CLCN1: variants seen among roughly 807,000 people sequenced by gnomAD.
CLCN1 encodes chloride voltage-gated channel 1.
Under a neutral mutation model 114.5 loss-of-function variants are expected in CLCN1, and 100 were observed. That is an observed-to-expected ratio of 0.87 (90% CI 0.74 to 1.03). The LOEUF is 1.03. Among genes scored for constraint, CLCN1 ranks in the 50% least tolerant of loss-of-function variants. CLCN1 has a pLI of 0.00. For synonymous variants in CLCN1, 485 were observed against 487.1 expected (o/e 1.00, Z 0.06); for missense variants, 1,188 against 1,250.0 (o/e 0.95, Z 0.75).
intron 14 of CLCN1, 136 bp from the exon 15 acceptor site, chr7:143,341,792 CT>C (rs1803083412): frequency 2.8e-6 from 2 of 726,082 alleles, no homozygotes; most frequent in Non-Finnish European, 5.0e-6. Context: ...ATTCCCTACT[CT>C]TGACAAGTCA....
Position 143,330,838 on chromosome 7 carries a change from T to C in CLCN1, c.920T>C (p.Phe307Ser), listed in dbSNP as rs80356701. The stretch of plus-strand genomic sequence containing the variant: ...GTTCGGAACTACTGGAGAGGATTCT[T>C]TGCAGCCACGTTCAGCGCCTTTGTG... ...FAVRNYWRGFFAATFSAFVFR... is the reference protein window; with the variant it reads ...FAVRNYWRGFSAATFSAFVFR... Residue 307 changes from phenylalanine to serine, a missense_variant, in exon 8 of 23, where the codon TTT becomes TCT. Transcript: ENST00000343257. The C allele has an allele frequency of 9.9e-5, 160 of 1,614,064 alleles. No individual in the cohort carries two copies. The highest frequency in any genetic ancestry group is 1.1e-4 in the Non-Finnish European group (133 of 1,180,050).
Position 143,351,810 on chromosome 7 carries a change from C to G in CLCN1, c.2812C>G (p.Pro938Ala). The G allele has an allele frequency of 6.2e-7, 1 of 1,614,102 alleles. No homozygotes were observed. The highest frequency in any genetic ancestry group is 8.5e-7 in the Non-Finnish European group (1 of 1,179,982). Residue 938 changes from proline to alanine, a missense_variant, in exon 23 of 23, where the codon CCC (proline) becomes GCC (alanine). Coordinates refer to ENST00000343257, the MANE Select transcript of CLCN1 (RefSeq NM_000083.3). Reference sequence around the variant, plus strand: ...CCCTGTGCCATCTCCTTCCCCAGAGCCCCCTCTCTCCCTGGCCCCAGGCAA... The same window carrying G: ...CCCTGTGCCATCTCCTTCCCCAGAGGCCCCTCTCTCCCTGGCCCCAGGCAA... ...ETPVPSPSPE[P>A]PLSLAPGKVE...
intron 14 of CLCN1, among the ~76,000 whole-genome samples, chr7:143,340,907 T>C (rs1054354866): frequency 4.0e-4 from 61 of 152,120 alleles, no homozygotes; most frequent in Admixed American, 2.6e-4. Flanking sequence ...CATATTTAAA[T>C]AAGAAATATA....
rs554038768 is a variant in CLCN1 at position 143,331,193 on chromosome 7, C to T, written c.980-39C>T. ...CCTCTGTTTCCCTGTTGGGTTTCTA[C>T]GAAGCTCCCATCGTAATACTGGCCT... On this transcript the variant is annotated intron_variant, in intron 8 of 22. Transcript: ENST00000343257. The T allele has an allele frequency of 1.9e-5, 27 of 1,440,386 alleles. No individual in the cohort carries two copies. The Admixed American group carries it at 2.2e-4, about 12-fold the overall frequency. The allele number at this position is 1,440,386 out of a possible 1,614,324, so 89.2% of individuals were successfully genotyped here.
rs1488238986 is a variant in CLCN1 at position 143,317,341 on chromosome 7, C to A, written c.180+949C>A. On this transcript the variant is annotated intron_variant, in intron 1 of 22. Transcript: ENST00000343257. The stretch of plus-strand genomic sequence containing the variant: ...TTGGCTCACTGCGACCTCCGCCTCC[C>A]GGGTTCAAGCAATTCTCTTTCCTCA... Among the ~76,000 whole-genome samples the A allele has an allele frequency of 2.6e-5, 4 of 151,204 alleles. No homozygotes were observed. In the East Asian group the frequency reaches 7.8e-4, roughly 29 times the overall value.
intron 1 of CLCN1, among the ~76,000 whole-genome samples, chr7:143,318,412 G>A (rs1018818977): frequency 9.9e-5 from 15 of 152,188 alleles, no homozygotes; most frequent in Middle Eastern, 3.4e-3. Flanking sequence ...TAGTAGAGAC[G>A]AGGTTTCTCC....
In CLCN1 at chr7:143,321,445, A is replaced by G. The variant is rs992335710; in HGVS notation, c.514A>G (p.Ile172Val). Residue 172 changes from isoleucine to valine, a missense_variant, in exon 4 of 23, where the codon ATC (isoleucine) becomes GTC (valine). By Grantham distance (29) the Ile-to-Val change is conservative. Transcript: ENST00000343257. This position sits in a 1 kb window ranked among gnomAD's most constrained non-coding sequence, Gnocchi z 4.2. The part of the protein sequence containing the change: ...LVWVTFPLVL[I>V]LFSALFCHLI... ...CTGGGTCACCTTCCCACTAGTCCTC[A>G]TCCTCTTCAGCGCCCTCTTCTGCCA... is the stretch of plus-strand genomic sequence containing the variant. 7 of 1,613,878 alleles carry G rather than the reference A, an allele frequency of 4.3e-6. No homozygotes were observed. Among genetic ancestry groups the G allele is most frequent in the Non-Finnish European group, 5.9e-6 (7 of 1,179,980 alleles).
chr7:143,326,094 G>A (rs28483764), intron 7 of CLCN1, among the ~76,000 whole-genome samples: 26,472 of 151,848 alleles, frequency 0.17, 3,470 homozygotes, highest in African/African-American at 0.37. Context: ...TTGGCTCACT[G>A]CAACCTCTGT....
intron 5 of CLCN1, among the ~76,000 whole-genome samples, chr7:143,322,549 G>T (rs1802469330): frequency 6.6e-6 from 1 of 152,194 alleles, no homozygotes; most frequent in East Asian, 1.9e-4. Flanking sequence ...TTGAGACAGT[G>T]TCTAGCTCGC....
In CLCN1 at chr7:143,332,428, G is replaced by C. The variant is rs199898178; in HGVS notation, c.1176G>C (p.Leu392=). The C allele has an allele frequency of 3.1e-6, 5 of 1,613,796 alleles. No individual in the cohort carries two copies. Among genetic ancestry groups the C allele is most frequent in the African/African-American group, 1.3e-5 (1 of 74,908 alleles). Residue 392 remains leucine (L), a synonymous_variant, in exon 11 of 23, where the codon CTG becomes CTC. Coordinates refer to ENST00000343257, the MANE Select transcript of CLCN1 (RefSeq NM_000083.3). The part of the protein sequence containing the change: ...LSQFLAKHRL[L]YPGIVTFVIA... Reference sequence around the variant, plus strand: ...TCTGTTTCTTTTTCAGCCGCCTGCTGTATCCTGGAATTGTTACCTTTGTCA... The same window carrying C: ...TCTGTTTCTTTTTCAGCCGCCTGCTCTATCCTGGAATTGTTACCTTTGTCA...
At chr7:143,345,998 G>A (rs1239270211) in intron 17 of CLCN1, 142 bp from the exon 18 acceptor site, 19 of 805,564 alleles carry the variant, frequency 2.4e-5, no homozygotes, top group Non-Finnish European at 4.0e-5. Context: ...TGGTATCCTC[G>A]ACAATTCAAA....
At position 143,350,559 on chromosome 7, in the gene CLCN1, C is replaced by T. The variant is rs1170463892; in HGVS notation, c.2509-9C>T. ...GGAACATGCACTGACCTGTGCTCTT[C>T]ATCCTCAGACTCATACCCTGTTTTC... On this transcript the variant is annotated splice_polypyrimidine_tract_variant and intron_variant, in intron 21 of 22. Transcript: ENST00000343257. The surrounding 1 kb of genome is among the most constrained non-coding windows in gnomAD (Gnocchi z 5.1). The T allele has an allele frequency of 6.2e-7, 1 of 1,613,640 alleles. No individual in the cohort carries two copies.
intron 12 of CLCN1, among the ~76,000 whole-genome samples, chr7:143,338,399 T>TGA (rs1205039921): frequency 6.6e-6 from 1 of 150,934 alleles, no homozygotes; most frequent in Non-Finnish European, 1.5e-5. Flanking sequence ...GGTTCTACTG[T>TGA]GAGTTTCACC....
At chr7:143,334,974 A>T (rs1432347097) in intron 12 of CLCN1, among the ~76,000 whole-genome samples, 1 of 152,246 alleles carries the variant, frequency 6.6e-6, no homozygotes. Flanking sequence ...ACCCATCTAC[A>T]GTAACCAAGT....
chr7:143,326,147 G>T (rs879165298), intron 7 of CLCN1, among the ~76,000 whole-genome samples: 2 of 152,096 alleles, frequency 1.3e-5, no homozygotes, highest in Admixed American at 1.3e-4. Flanking sequence ...CTCCCAAGTA[G>T]CTGGGATTAC....
Position 143,346,173 on chromosome 7 carries a change from A to G in CLCN1, c.2206A>G (p.Thr736Ala), listed in dbSNP as rs754964953. Reference sequence around the variant, plus strand: ...TTCCCTTGCTCTCCACCCCTCTACTACTGCCCCTCTGTCCCCAGAAGAGCC... The same window carrying G: ...TTCCCTTGCTCTCCACCCCTCTACTGCTGCCCCTCTGTCCCCAGAAGAGCC... ...PPSLALHPST[T>A]APLSPEEPNG... Residue 736 changes from threonine to alanine, a missense_variant, in exon 18 of 23, where the codon ACT becomes GCT. Transcript: ENST00000343257. 3.1e-6 allele frequency: 5 copies of G among 1,612,846 alleles called. No homozygotes were observed. Among genetic ancestry groups the G allele is most frequent in the South Asian group, 1.1e-5 (1 of 91,022 alleles).
chr7:143,345,637 G>A lies in CLCN1; in HGVS notation c.2047G>A (p.Glu683Lys). ...CCAAGAGATGGCGCGGAAGTTGTCG[G>A]AGCTGCCTTACGACGGGAAGGCGCG... ...AAQEMARKLSELPYDGKARLA... is the reference protein window; with the variant it reads ...AAQEMARKLSKLPYDGKARLA... Residue 683 changes from glutamate (E) to lysine (K), a missense_variant, in exon 17 of 23, where the codon GAG becomes AAG. Physicochemically the swap from Glu to Lys is moderately conservative, Grantham distance 56 (BLOSUM62 1). Coordinates refer to ENST00000343257, the MANE Select transcript of CLCN1 (RefSeq NM_000083.3). 2 of 1,564,242 alleles carry A rather than the reference G, an allele frequency of 1.3e-6. No homozygotes were observed. Among genetic ancestry groups the A allele is most frequent in the East Asian group, 2.4e-5 (1 of 41,918 alleles).
In CLCN1 at chr7:143,332,476, A is replaced by G; in HGVS notation, c.1224A>G (p.Pro408=). ...TCATTGCCTCATTCACCTTCCCACC[A>G]GGAATGGGTCAATTCATGGCTGGAG... is the stretch of plus-strand genomic sequence containing the variant. ...TFVIASFTFP[P]GMGQFMAGEL... Residue 408 remains proline, a synonymous_variant, in exon 11 of 23, where the codon CCA becomes CCG. Transcript: ENST00000343257. 1 of 1,614,092 alleles carries G rather than the reference A, an allele frequency of 6.2e-7. No individual in the cohort carries two copies. Among genetic ancestry groups the G allele is most frequent in the Non-Finnish European group, 8.5e-7 (1 of 1,179,970 alleles).
At position 143,323,332 on chromosome 7, in the gene CLCN1, C is replaced by A. The variant is rs764402957; in HGVS notation, c.720C>A (p.Ser240Arg). 6.2e-7 allele frequency: 1 copy of A among 1,613,788 alleles called. No individual in the cohort carries two copies. The highest frequency in any genetic ancestry group is 1.1e-5 in the South Asian group (1 of 91,080). Residue 240 changes from serine to arginine, a missense_variant, in exon 6 of 23, where the codon AGC (serine) becomes AGA (arginine). By Grantham distance (110) the Ser-to-Arg change is moderately radical. Coordinates refer to ENST00000343257, the MANE Select transcript of CLCN1 (RefSeq NM_000083.3). ...GKEGPFVHIA[S>R]ICAAVLSKFM... ...AGGGCCCCTTCGTCCACATTGCCAG[C>A]ATCTGTGCTGCTGTCCTCAGCAAAT...
Sources: allele counts gnomAD v4.1 joint callset (sites outside exome capture counted in the v4.1 genomes callset), GRCh38; gene constraint gnomAD v4.1.1; non-coding constraint Gnocchi (gnomAD v3.1); transcripts MANE v1.5; gene names NCBI Gene and HGNC (gene_info 2026-07-23, HGNC 2026-07-21).